The following CABLES2 variants were observed in gnomAD, a reference collection of about 807,000 sequenced individuals.
The protein encoded by CABLES2 is Cdk5 and Abl enzyme substrate 2.
A neutral mutation model predicts 44.8 loss-of-function variants in CABLES2; 35 were observed. The ratio of observed to expected loss-of-function variants is 0.78; its 90% CI spans 0.60 to 1.04. The LOEUF (loss-of-function observed/expected upper bound fraction) is 1.04, where lower values mean the gene tolerates loss of function less well. CABLES2 is among the 50% of genes least tolerant of loss of function. CABLES2 has a pLI of 0.00. For missense variants in CABLES2, 566 were observed against 615.7 expected (o/e 0.92, Z 0.85); for synonymous variants, 282 against 281.1 (o/e 1.00, Z -0.03).
At chr20:62,397,209 C>T (rs1430971631) in intron 1 of CABLES2, among the ~76,000 whole-genome samples, 2 of 152,186 alleles carry the variant, frequency 1.3e-5, no homozygotes, top group East Asian at 1.9e-4. Context: ...CTTTTTGGCT[C>T]ATAGGTGGCC....
chr20:62,389,860 T>C lies in CABLES2; in HGVS notation c.*1111A>G, dbSNP rs1204038310. 2 of 152,278 alleles carry C rather than the reference T, an allele frequency of 1.3e-5. No individual in the cohort carries two copies. The highest frequency in any genetic ancestry group is 2.9e-5 in the Non-Finnish European group (2 of 68,036). 9.4% of individuals were successfully genotyped at this position (152,278 alleles called of 1,614,324 possible). A position where few individuals can be genotyped will look rare whatever the true frequency, so the allele number is the denominator to read the frequency against. ...GCACAGAAGGGACAACGACCACCAT[T>C]TGGGGTCCTTTTAGCATGGTGGGCT... is the stretch of plus-strand genomic sequence containing the variant. On this transcript the variant is annotated 3_prime_UTR_variant, in exon 10 of 10. Transcript: ENST00000279101.
At chr20:62,398,013 G>T (rs901161630) in intron 1 of CABLES2, among the ~76,000 whole-genome samples, 9 of 111,642 alleles carry the variant, frequency 8.1e-5, no homozygotes, top group Non-Finnish European at 1.5e-4. Context: ...GATGGTTATG[G>T]CGGTGGTGGT....
chr20:62,406,501 G>A (rs1019129888), intron 1 of CABLES2, among the ~76,000 whole-genome samples: 7 of 152,028 alleles, frequency 4.6e-5, no homozygotes. Context: ...TTCAGGGGCT[G>A]GGAGAATTCA....
In CABLES2 at chr20:62,396,643, C is replaced by G. The variant is rs1261493331; in HGVS notation, c.363-51G>C. On this transcript the variant is annotated intron_variant, in intron 1 of 9. Transcript: ENST00000279101. The surrounding 1 kb of genome is among the most constrained non-coding windows in gnomAD (Gnocchi z 5.7). ...AACAGGCCACCAGCCCGGGTGCCGC[C>G]TTTGTGGCCAGAAACCGAGTGCCGC... The G allele has an allele frequency of 6.4e-6, 10 of 1,559,990 alleles. No individual in the cohort carries two copies. The African/African-American group carries it at 1.4e-4, about 21-fold the overall frequency.
intron 1 of CABLES2, among the ~76,000 whole-genome samples, chr20:62,397,774 T>C (rs992424597): frequency 2.6e-5 from 4 of 152,050 alleles, no homozygotes; most frequent in African/African-American, 9.6e-5. Context: ...CGTTGCAGTA[T>C]TGGAAAACCA....
At chr20:62,395,177 G>C (rs1160025983) in intron 3 of CABLES2, among the ~76,000 whole-genome samples, 163 bp from the exon 4 acceptor site, 1 of 152,238 alleles carries the variant, frequency 6.6e-6, no homozygotes, top group Non-Finnish European at 1.5e-5. Context: ...AGGAGGCCGG[G>C]TGGCCACCGT....
chr20:62,389,877 T>G lies in CABLES2; in HGVS notation c.*1094A>C, dbSNP rs984951675. ...ACCACCATTTGGGGTCCTTTTAGCATGGTGGGCTGCCCTGGCCGAGGTGGC... is the reference window on the plus strand; with the variant it reads ...ACCACCATTTGGGGTCCTTTTAGCAGGGTGGGCTGCCCTGGCCGAGGTGGC... On this transcript the variant is annotated 3_prime_UTR_variant, in exon 10 of 10. Coordinates refer to ENST00000279101, the MANE Select transcript of CABLES2 (RefSeq NM_031215.3). 6 of 152,328 alleles carry G rather than the reference T, an allele frequency of 3.9e-5. No individual in the cohort carries two copies. Among genetic ancestry groups the G allele is most frequent in the South Asian group, 2.1e-4 (1 of 4,830 alleles). 9.4% of individuals were successfully genotyped at this position (152,328 alleles called of 1,614,324 possible).
intron 1 of CABLES2, among the ~76,000 whole-genome samples, chr20:62,398,061 G>GTGGTGA (rs1988078543): frequency 2.1e-5 from 2 of 93,574 alleles, no homozygotes; most frequent in Non-Finnish European, 4.5e-5. Context: ...GATGGCGATG[G>GTGGTGA]TGGTGGTGAC....
At chr20:62,405,593 G>T (rs1439598411) in intron 1 of CABLES2, 1 of 152,286 alleles carries the variant, frequency 6.6e-6, no homozygotes, top group Non-Finnish European at 1.5e-5. Context: ...AGTCTTTGAG[G>T]ACAGAGTGCT....
intron 3 of CABLES2, among the ~76,000 whole-genome samples, chr20:62,395,356 T>C (rs897901194): frequency 6.6e-6 from 1 of 151,972 alleles, no homozygotes; most frequent in South Asian, 2.1e-4. Context: ...GGATCTTGGC[T>C]CATTCAGAGA....
At chr20:62,398,052 A>ATGG (rs1988076207) in intron 1 of CABLES2, among the ~76,000 whole-genome samples, 1 of 54,290 alleles carries the variant, frequency 1.8e-5, no homozygotes, top group Non-Finnish European at 4.0e-5. Flanking sequence ...GATGGTGGTG[A>ATGG]TGGCGATGGT....
chr20:62,400,145 G>A (rs1305795201), intron 1 of CABLES2, among the ~76,000 whole-genome samples: 2 of 152,228 alleles, frequency 1.3e-5, no homozygotes, highest in Non-Finnish European at 2.9e-5. Context: ...GTCCCAGCTG[G>A]AGGTGGGGGC....
intron 1 of CABLES2, among the ~76,000 whole-genome samples, chr20:62,398,180 G>A (rs1294976713): frequency 9.4e-6 from 1 of 106,812 alleles, no homozygotes. Context: ...TAATGGTGGT[G>A]GTGGTGATGG....
chr20:62,400,612 C>T lies in CABLES2; in HGVS notation c.363-4020G>A, dbSNP rs145601102. Among the ~76,000 whole-genome samples the T allele has an allele frequency of 4.1e-3, 623 of 152,342 alleles. 7 individuals are homozygous for T. The highest frequency in any genetic ancestry group is 0.014 in the African/African-American group (590 of 41,580). The stretch of plus-strand genomic sequence containing the variant: ...GTGTCTTTCTGGAAGCTCCTTCCCA[C>T]GGGTAATTACCAGGGGATGCCTGGG... On this transcript the variant is annotated intron_variant, in intron 1 of 9. Coordinates refer to ENST00000279101, the MANE Select transcript of CABLES2 (RefSeq NM_031215.3).
At position 62,388,679 on chromosome 20, in the gene CABLES2, A is replaced by G. The variant is rs1206484046; in HGVS notation, c.*2292T>C. On this transcript the variant is annotated 3_prime_UTR_variant, in exon 10 of 10. Coordinates refer to ENST00000279101, the MANE Select transcript of CABLES2 (RefSeq NM_031215.3). ...GGACAAATACATTATCCATTTAAAA[A>G]CAGATATCTAAGACAAAATAACTCA... 4 of 595,710 alleles carry G rather than the reference A, an allele frequency of 6.7e-6. No homozygotes were observed. Among genetic ancestry groups the G allele is most frequent in the Non-Finnish European group, 1.2e-5 (4 of 337,608 alleles). The allele number at this position is 595,710 out of a possible 1,614,324, so 36.9% of individuals were successfully genotyped here. A position where few individuals can be genotyped will look rare whatever the true frequency, so the allele number is the denominator to read the frequency against.
chr20:62,401,240 G>A (rs1348365274), intron 1 of CABLES2, among the ~76,000 whole-genome samples: 1 of 152,226 alleles, frequency 6.6e-6, no homozygotes, highest in African/African-American at 2.4e-5. Context: ...TGAAGGAGGT[G>A]CCTGCACATG....
Position 62,391,643 on chromosome 20 carries a change from C to A in CABLES2, c.1092-190G>T, listed in dbSNP as rs1053094231. The stretch of plus-strand genomic sequence containing the variant: ...CCAGGGCAGGGCGCATGGGCAGGGA[C>A]CGGCAGGCTGGGTTTTGGCTTCCCC... On this transcript the variant is annotated intron_variant, in intron 8 of 9. Coordinates refer to ENST00000279101, the MANE Select transcript of CABLES2 (RefSeq NM_031215.3). The surrounding 1 kb of genome is among the most constrained non-coding windows in gnomAD (Gnocchi z 5.7). Among the ~76,000 whole-genome samples, 12 of 152,194 alleles carry A rather than the reference C, an allele frequency of 7.9e-5. No individual in the cohort carries two copies. The highest frequency in any genetic ancestry group is 2.9e-4 in the African/African-American group (12 of 41,452).
chr20:62,406,937 C>G lies in CABLES2; in HGVS notation c.340G>C (p.Gly114Arg). ...CACCTCTGGCGCTGCCCATCCAGGCCGAGGCCGGTGGGCACCTGCGTGGGG... is the reference window on the plus strand; with the variant it reads ...CACCTCTGGCGCTGCCCATCCAGGCGGAGGCCGGTGGGCACCTGCGTGGGG... ...LSPTQVPTGLGLDGQRQRKRV... is the reference protein window; with the variant it reads ...LSPTQVPTGLRLDGQRQRKRV... The change falls in exon 1 of 10, where the codon GGC (glycine) becomes CGC (arginine). Residue 114 changes from glycine to arginine, a missense_variant. Transcript: ENST00000279101. The G allele has an allele frequency of 1.6e-6, 2 of 1,216,962 alleles. No homozygotes were observed. Among genetic ancestry groups the G allele is most frequent in the Non-Finnish European group, 2.0e-6 (2 of 977,812 alleles). The allele number at this position is 1,216,962 out of a possible 1,614,324, so 75.4% of individuals were successfully genotyped here. A position where few individuals can be genotyped will look rare whatever the true frequency, so the allele number is the denominator to read the frequency against.
chr20:62,394,097 C>A, intron 5 of CABLES2, 60 bp downstream of exon 5: 1 of 1,356,356 alleles, frequency 7.4e-7, no homozygotes, highest in Non-Finnish European at 1.1e-6. Flanking sequence ...CGTGGGACTG[C>A]TCCCACCCGC....
Sources: allele counts gnomAD v4.1 joint callset (sites outside exome capture counted in the v4.1 genomes callset), GRCh38; gene constraint gnomAD v4.1.1; non-coding constraint Gnocchi (gnomAD v3.1); transcripts MANE v1.5; gene names NCBI Gene and HGNC (gene_info 2026-07-23, HGNC 2026-07-21).